CUX2: variants seen among roughly 807,000 people sequenced by gnomAD.
The protein encoded by CUX2 is cut like homeobox 2.
CUX2 carries 40 observed loss-of-function variants against 144.8 expected under a neutral mutation model. The observed-to-expected ratio is 0.28, with a 90% CI of 0.21 to 0.36. The LOEUF (loss-of-function observed/expected upper bound fraction) is 0.36. CUX2 is among the 10% of genes least tolerant of loss of function. CUX2 has a pLI of 1.00. For synonymous variants in CUX2, 827 were observed against 875.6 expected (o/e 0.94, Z 0.98); for missense variants, 1,615 against 1,994.0 (o/e 0.81, Z 3.62).
intron 19 of CUX2, among the ~76,000 whole-genome samples, chr12:111,338,074 C>T (rs1051745969): frequency 3.9e-5 from 6 of 152,084 alleles, no homozygotes; most frequent in Admixed American, 6.6e-5. Context: ...TTGGTTGCTG[C>T]CTCGTCCTGC....
rs992165420 is a variant in CUX2 at position 111,255,810 on chromosome 12, C to A, written c.223-7951C>A. 2.0e-5 allele frequency among the ~76,000 whole-genome samples: 3 copies of A among 152,160 alleles called. No homozygotes were observed. Among genetic ancestry groups the A allele is most frequent in the African/African-American group, 7.2e-5 (3 of 41,424 alleles). On this transcript the variant is annotated intron_variant, in intron 3 of 21. Transcript: ENST00000261726. This position sits in a 1 kb window ranked among gnomAD's most constrained non-coding sequence, Gnocchi z 4.1. ...AATAATAATGCACAAATCAGCCAAT[C>A]GAAGTAGCTGTTACCCCCATTTTCC...
intron 1 of CUX2, among the ~76,000 whole-genome samples, chr12:111,170,762 T>C (rs963430477): frequency 3.9e-5 from 6 of 152,048 alleles, no homozygotes; most frequent in Non-Finnish European, 8.8e-5. Context: ...AGAGGAACTT[T>C]GACATCACTT....
chr12:111,090,027 G>A (rs1007132483), intron 1 of CUX2, among the ~76,000 whole-genome samples: 1 of 152,150 alleles, frequency 6.6e-6, no homozygotes, highest in African/African-American at 2.4e-5. Flanking sequence ...GCAGTGGAGG[G>A]GAGCAGAGGT....
At chr12:111,327,358 A>G (rs1887868386) in intron 18 of CUX2, among the ~76,000 whole-genome samples, 2 of 152,160 alleles carry the variant, frequency 1.3e-5, no homozygotes, top group Admixed American at 6.5e-5. Context: ...TTTGTGTTTG[A>G]ACCCCCATTT....
Position 111,347,875 on chromosome 12 carries a change from T to C in CUX2, c.4011T>C (p.Gly1337=). 6.2e-7 allele frequency: 1 copy of C among 1,613,950 alleles called. No individual in the cohort carries two copies. Among genetic ancestry groups the C allele is most frequent in the East Asian group, 2.2e-5 (1 of 44,876 alleles). ...AAGAGGAGCATCCCGACCCTCCGGG[T>C]AATGATGGACTCCCAAAAGTGGCTC... ...PPKEEHPDPP[G]NDGLPKVAPG... Residue 1337 remains glycine (G), a synonymous_variant, in exon 22 of 22, where the codon GGT becomes GGC. Coordinates refer to ENST00000261726, the MANE Select transcript of CUX2 (RefSeq NM_015267.4).
intron 1 of CUX2, among the ~76,000 whole-genome samples, chr12:111,187,411 C>T (rs1879613899): frequency 6.6e-6 from 1 of 152,172 alleles, no homozygotes. Flanking sequence ...TTCCATGACC[C>T]TCCCCTGGCC....
Position 111,068,067 on chromosome 12 carries a change from A to G in CUX2, c.63+33827A>G, listed in dbSNP as rs1166827614. Among the ~76,000 whole-genome samples the G allele has an allele frequency of 6.6e-6, 1 of 151,900 alleles. No individual in the cohort carries two copies. The highest frequency in any genetic ancestry group is 2.4e-5 in the African/African-American group (1 of 41,324). On this transcript the variant is annotated intron_variant, in intron 1 of 21. Coordinates refer to ENST00000261726, the MANE Select transcript of CUX2 (RefSeq NM_015267.4). This position sits in a 1 kb window ranked among gnomAD's most constrained non-coding sequence, Gnocchi z 4.9. ...GTCCAGCAGGGAATGGCTTTTGCCCACTTTTAAAAAGTGGCCTGCAGAGCC... is the reference window on the plus strand; with the variant it reads ...GTCCAGCAGGGAATGGCTTTTGCCCGCTTTTAAAAAGTGGCCTGCAGAGCC...
intron 1 of CUX2, among the ~76,000 whole-genome samples, chr12:111,050,047 G>A (rs1592849293): frequency 6.6e-6 from 1 of 152,164 alleles, no homozygotes; most frequent in South Asian, 2.1e-4. Flanking sequence ...AGGAAGGCAG[G>A]GCAGAGAAAC....
At chr12:111,317,614 G>A (rs115230767) in intron 16 of CUX2, among the ~76,000 whole-genome samples, 3,476 of 152,100 alleles carry the variant, frequency 0.023, 151 homozygotes, top group African/African-American at 0.078. Context: ...ATTTTGTCCT[G>A]TTGTTCCTTT....
At position 111,304,474 on chromosome 12, in the gene CUX2, G is replaced by A. The variant is rs1886476212; in HGVS notation, c.858+160G>A. On this transcript the variant is annotated intron_variant, in intron 10 of 21. Transcript: ENST00000261726. The surrounding 1 kb of genome is among the most constrained non-coding windows in gnomAD (Gnocchi z 4.7). ...GTGTGTGGGTCTCTGTGCATACGGT[G>A]AGCATAATCACTATGACCTGCTACA... Among the ~76,000 whole-genome samples the A allele has an allele frequency of 6.6e-6, 1 of 151,978 alleles. No homozygotes were observed. Among genetic ancestry groups the A allele is most frequent in the South Asian group, 2.1e-4 (1 of 4,812 alleles).
intron 1 of CUX2, among the ~76,000 whole-genome samples, chr12:111,043,638 C>T (rs1869853024): frequency 6.6e-6 from 1 of 151,654 alleles, no homozygotes; most frequent in African/African-American, 2.4e-5. Context: ...CATGGTGAAA[C>T]CCCTTCCCTA....
At chr12:111,078,581 G>A (rs1871668140) in intron 1 of CUX2, among the ~76,000 whole-genome samples, 2 of 152,244 alleles carry the variant, frequency 1.3e-5, no homozygotes, top group Non-Finnish European at 1.5e-5. Flanking sequence ...GAGGCGGGAG[G>A]ATCACTTGAG....
In CUX2 at chr12:111,320,560, G is replaced by A. The variant is rs1421401837; in HGVS notation, c.2551G>A (p.Glu851Lys). Residue 851 changes from glutamate to lysine, a missense_variant, in exon 17 of 22, where the codon GAG becomes AAG. This residue lies in a region of CUX2 where 390 missense variants were observed against 387.1 expected (regional missense o/e 1.01). Coordinates refer to ENST00000261726, the MANE Select transcript of CUX2 (RefSeq NM_015267.4). This position sits in a 1 kb window ranked among gnomAD's most constrained non-coding sequence, Gnocchi z 8.1. ...GGAGGACGAACCCCCCAGGACGGGC[G>A]AGCTCAAGGCTGAGGGCGCGACGGC... Reference protein sequence around the residue: ...GAEDEPPRTGELKAEGATAEA... With the variant: ...GAEDEPPRTGKLKAEGATAEA... The A allele has an allele frequency of 3.3e-6, 5 of 1,534,886 alleles. No individual in the cohort carries two copies. Among genetic ancestry groups the A allele is most frequent in the Non-Finnish European group, 4.4e-6 (5 of 1,148,898 alleles).
intron 6 of CUX2, among the ~76,000 whole-genome samples, chr12:111,294,435 C>T (rs1885858546): frequency 6.6e-6 from 1 of 151,656 alleles, no homozygotes; most frequent in African/African-American, 2.4e-5. Context: ...TTTAATTAGC[C>T]AAGCATGGTG....
In CUX2 at chr12:111,034,441, T is replaced by C. The variant is rs1165857949; in HGVS notation, c.63+201T>C. ...CGCCGCTGCTCTTTGTTCGGTTCAGTCATCGATTAGCTGCCGCGACCATGG... is the reference window on the plus strand; with the variant it reads ...CGCCGCTGCTCTTTGTTCGGTTCAGCCATCGATTAGCTGCCGCGACCATGG... On this transcript the variant is annotated intron_variant, in intron 1 of 21. Transcript: ENST00000261726. This position sits in a 1 kb window ranked among gnomAD's most constrained non-coding sequence, Gnocchi z 4.2. Among the ~76,000 whole-genome samples the C allele has an allele frequency of 6.6e-6, 1 of 151,316 alleles. No individual in the cohort carries two copies. The highest frequency in any genetic ancestry group is 1.5e-5 in the Non-Finnish European group (1 of 67,822).
At chr12:111,225,639 G>A (rs978045518) in intron 3 of CUX2, among the ~76,000 whole-genome samples, 4 of 152,224 alleles carry the variant, frequency 2.6e-5, no homozygotes, top group Non-Finnish European at 1.5e-5. Context: ...GTCTGGGGGT[G>A]CAGAAGGAGC....
chr12:111,082,052 G>A (rs536782559), intron 1 of CUX2, among the ~76,000 whole-genome samples: 20 of 152,278 alleles, frequency 1.3e-4, no homozygotes, highest in African/African-American at 4.3e-4. Flanking sequence ...GGCAATTTTC[G>A]TGTTTGGCTT....
At position 111,320,798 on chromosome 12, in the gene CUX2, G is replaced by A. The variant is rs779838676; in HGVS notation, c.2766+23G>A. 2.0e-6 allele frequency: 3 copies of A among 1,479,934 alleles called. No homozygotes were observed. The highest frequency in any genetic ancestry group is 2.7e-6 in the Non-Finnish European group (3 of 1,118,678). 91.7% of individuals were successfully genotyped at this position (1,479,934 alleles called of 1,614,324 possible). ...AAGGTGAGTGCAGGGCGGGCCCCCG[G>A]TGTCTGGGCTCTGGGAGAAGATGTC... On this transcript the variant is annotated intron_variant, in intron 17 of 21. Transcript: ENST00000261726. This position sits in a 1 kb window ranked among gnomAD's most constrained non-coding sequence, Gnocchi z 8.1.
chr12:111,241,796 G>A (rs1883031328), intron 3 of CUX2, among the ~76,000 whole-genome samples: 1 of 152,230 alleles, frequency 6.6e-6, no homozygotes, highest in African/African-American at 2.4e-5. Context: ...AGCTTCCTGG[G>A]ACCACCCCTG....
Sources: gnomAD v4.1 joint callset for allele counts (sites outside exome capture counted in the v4.1 genomes callset) on GRCh38, gnomAD v4.1.1 for gene constraint, gnomAD v4.1.1 regional missense constraint, Gnocchi (gnomAD v3.1) non-coding constraint, MANE v1.5 for transcripts, NCBI Gene and HGNC (gene_info 2026-07-23, HGNC 2026-07-21) for gene names.